Variants in CRHBP observed in about 807,000 individuals in gnomAD.
CRHBP encodes corticotropin-releasing hormone-binding protein.
CRHBP carries 19 observed loss-of-function variants against 34.9 expected under a neutral mutation model. The ratio of observed to expected loss-of-function variants is 0.55; its 90% CI spans 0.38 to 0.80. The LOEUF (loss-of-function observed/expected upper bound fraction) is 0.80, where lower values mean the gene tolerates loss of function less well. Among genes scored for constraint, CRHBP ranks in the 30% least tolerant of loss-of-function variants. The pLI, the probability that CRHBP is intolerant of heterozygous loss-of-function variation, is 0.00. For synonymous variants in CRHBP, 154 were observed against 153.4 expected (o/e 1.00, Z -0.03); for missense variants, 328 against 409.2 (o/e 0.80, Z 1.71).
chr5:76,954,221 G>T, intron 3 of CRHBP, 35 bp downstream of exon 3: 5 of 1,602,668 alleles, frequency 3.1e-6, no homozygotes, highest in Non-Finnish European at 4.3e-6. Flanking sequence ...CTAGCCGGAG[G>T]GCGGCACGGG....
At chr5:76,979,220 G>C (rs1236907704) in intron 3 of CRHBP, among the ~76,000 whole-genome samples, 1 of 151,914 alleles carries the variant, frequency 6.6e-6, no homozygotes, top group Non-Finnish European at 1.5e-5. Flanking sequence ...TGCCCAGGCT[G>C]GAGTGTAGTG....
chr5:76,958,349 T>G (rs1745723168), intron 4 of CRHBP, among the ~76,000 whole-genome samples: 1 of 152,176 alleles, frequency 6.6e-6, no homozygotes, highest in African/African-American at 2.4e-5. Flanking sequence ...AGTTTGAGTT[T>G]TGGACTCACC....
chr5:76,979,373 A>C (rs1224542335), intron 3 of CRHBP, among the ~76,000 whole-genome samples: 1 of 151,620 alleles, frequency 6.6e-6, no homozygotes, highest in Non-Finnish European at 1.5e-5. Flanking sequence ...TTTTTCTTTG[A>C]CAGAGTTTCG....
At chr5:76,966,144 G>A (rs558872620) in intron 6 of CRHBP, among the ~76,000 whole-genome samples, 159 of 152,150 alleles carry the variant, frequency 1.0e-3, no homozygotes, top group Non-Finnish European at 1.8e-3. Context: ...TCTGCCTCCC[G>A]AGTAGCTGGG....
Position 76,968,764 on chromosome 5 carries a change from G to C in CRHBP, c.848G>C (p.Arg283Pro), listed in dbSNP as rs775587058. 2 of 1,613,744 alleles carry C rather than the reference G, an allele frequency of 1.2e-6. No homozygotes were observed. The highest frequency in any genetic ancestry group is 1.7e-6 in the Non-Finnish European group (2 of 1,179,902). ...MKVGCDNTVV[R>P]MVSSGKHVNR... is the part of the protein sequence containing the mutation. The stretch of plus-strand genomic sequence containing the variant: ...GTTGGCTGTGACAACACTGTGGTGC[G>C]CATGGTCTCCAGTGGAAAACACGTA... The change falls in exon 7 of 7, where the codon CGC becomes CCC. Residue 283 changes from arginine to proline, a missense_variant. Physicochemically the swap from Arg to Pro is moderately radical, Grantham distance 103. Transcript: ENST00000274368.
intron 3 of CRHBP, among the ~76,000 whole-genome samples, chr5:76,977,148 C>A (rs547638724): frequency 1.3e-5 from 2 of 152,152 alleles, no homozygotes; most frequent in Non-Finnish European, 2.9e-5. Context: ...GCTGGTGTAA[C>A]GTTCTGTAAG....
At chr5:76,965,927 G>C (rs1050214181) in intron 6 of CRHBP, among the ~76,000 whole-genome samples, 2 of 152,234 alleles carry the variant, frequency 1.3e-5, no homozygotes, top group East Asian at 3.8e-4. Context: ...AAGCAGGGAT[G>C]TATTAAAGGG....
At chr5:76,960,083 G>A (rs959438353) in intron 5 of CRHBP, among the ~76,000 whole-genome samples, 3 of 152,240 alleles carry the variant, frequency 2.0e-5, no homozygotes, top group African/African-American at 4.8e-5. Flanking sequence ...CAAGTGGGAT[G>A]AGACAGGCAA....
chr5:76,980,132 G>A (rs1202112490), intron 3 of CRHBP, among the ~76,000 whole-genome samples: 2 of 151,610 alleles, frequency 1.3e-5, no homozygotes, highest in Admixed American at 6.6e-5. Flanking sequence ...GCGGGCGCCT[G>A]TAGTCCCAGC....
chr5:76,977,794 G>A (rs1746062178), intron 3 of CRHBP, among the ~76,000 whole-genome samples: 1 of 152,206 alleles, frequency 6.6e-6, no homozygotes, highest in South Asian at 2.1e-4. Flanking sequence ...GCTTAGTGAA[G>A]AAGGCATGTT....
chr5:76,968,613 T>G, intron 6 of CRHBP, 115 bp from the exon 7 acceptor site: 62 of 1,007,014 alleles, frequency 6.2e-5, no homozygotes, highest in Middle Eastern at 2.2e-4. Flanking sequence ...TTTGGGTACA[T>G]GAGAGGAAGA....
intron 2 of CRHBP, 48 bp from the exon 3 acceptor site, chr5:76,953,981 G>A: frequency 1.3e-6 from 2 of 1,562,262 alleles, no homozygotes; most frequent in Non-Finnish European, 1.7e-6. Context: ...GGACGGCGCT[G>A]CGGCGGCTGC....
intron 4 of CRHBP, among the ~76,000 whole-genome samples, chr5:76,957,197 A>G (rs1745685664): frequency 6.6e-6 from 1 of 152,110 alleles, no homozygotes; most frequent in Non-Finnish European, 1.5e-5. Flanking sequence ...AAAAAAGTTT[A>G]TTAAAAAAAG....
chr5:76,958,668 A>T (rs1349202834), intron 4 of CRHBP, 73 bp from the exon 5 acceptor site: 2 of 1,505,350 alleles, frequency 1.3e-6, no homozygotes, highest in Non-Finnish European at 1.8e-6. Context: ...CTAGAATAAG[A>T]TACAATAAAT....
rs1205283397 is a variant in CRHBP at position 76,954,036 on chromosome 5, G to C, written c.183G>C (p.Leu61=). 3 of 1,613,190 alleles carry C rather than the reference G, an allele frequency of 1.9e-6. No individual in the cohort carries two copies. The South Asian group carries it at 3.3e-5, about 18-fold the overall frequency. ...CATGCCCTCCTCCCCCAGGGTGCCT[G>C]GACATGCTGAGCCTCCAGGGCCAGT... ...EQPYRRALRC[L]DMLSLQGQFT... is the part of the protein sequence containing the mutation. The change falls in exon 3 of 7, where the codon CTG becomes CTC. Residue 61 remains leucine, a synonymous_variant. Coordinates refer to ENST00000274368, the MANE Select transcript of CRHBP (RefSeq NM_001882.4).
At chr5:76,977,004 A>G (rs576256890) in intron 3 of CRHBP, among the ~76,000 whole-genome samples, 1 of 152,138 alleles carries the variant, frequency 6.6e-6, no homozygotes, top group Non-Finnish European at 1.5e-5. Context: ...CATCACATCC[A>G]GGCTTATTAG....
intron 6 of CRHBP, among the ~76,000 whole-genome samples, chr5:76,965,043 A>G (rs1403443179): frequency 6.6e-6 from 1 of 152,104 alleles, no homozygotes; most frequent in Non-Finnish European, 1.5e-5. Context: ...AAAATACAGT[A>G]TAACAACTAT....
downstream of CRHBP, among the ~76,000 whole-genome samples, chr5:76,971,330 C>T (rs920080467): frequency 6.6e-6 from 1 of 152,152 alleles, no homozygotes; most frequent in African/African-American, 2.4e-5. Flanking sequence ...AGGTTTTTGG[C>T]CACATTAAAT....
chr5:76,964,009 T>C (rs1325503262), intron 6 of CRHBP, among the ~76,000 whole-genome samples: 10 of 152,126 alleles, frequency 6.6e-5, no homozygotes, highest in African/African-American at 2.4e-4. Flanking sequence ...AATTCTGAAA[T>C]CTAAAAGCGG....
Sources: allele counts gnomAD v4.1 joint callset (sites outside exome capture counted in the v4.1 genomes callset), GRCh38; gene constraint gnomAD v4.1.1; transcripts MANE v1.5; gene names NCBI Gene and HGNC (gene_info 2026-07-23, HGNC 2026-07-21).